RNF186: variants seen among roughly 807,000 people sequenced by gnomAD.
RNF186 encodes E3 ubiquitin-protein ligase RNF186.
For missense variants in RNF186, 298 were observed against 298.5 expected, an observed-to-expected ratio of 1.00 and a Z score of 0.01; for synonymous variants, 152 against 133.5, an observed-to-expected ratio of 1.14 and a Z score of -0.96.
At position 19,815,060 on chromosome 1, in the gene RNF186, G is replaced by A. The variant is rs181898691; in HGVS notation, c.42C>T (p.Ser14=). ...CGGTGGTGGTTGTGGTGGCTCCTGC[G>A]GAGATGGGCTGGGACTGTTGCAGGG... ...TKTLQQSQPI[S]AGATTTTTAV... The change falls in exon 1 of 1, where the codon TCC becomes TCT. Residue 14 remains serine (S), a synonymous_variant. Transcript: ENST00000375121. The A allele has an allele frequency of 9.0e-5, 145 of 1,613,960 alleles. No individual in the cohort carries two copies. Among genetic ancestry groups the A allele is most frequent in the Non-Finnish European group, 1.1e-4 (127 of 1,180,026 alleles).
Position 19,814,521 on chromosome 1 carries a change from G to A in RNF186, c.581C>T (p.Thr194Ile). ...FIIALALLMS[T>I]LFCCLPSTRG... Reference sequence around the variant, plus strand: ...GGTGCTGGGGAGACAGCAGAAGAGGGTGGACATCAGCAGGGCCAGGGCGAT... The same window carrying A: ...GGTGCTGGGGAGACAGCAGAAGAGGATGGACATCAGCAGGGCCAGGGCGAT... Residue 194 changes from threonine (T) to isoleucine (I), a missense_variant, in exon 1 of 1, where the codon ACC (threonine) becomes ATC (isoleucine). Transcript: ENST00000375121. This position sits in a 1 kb window ranked among gnomAD's most constrained non-coding sequence, Gnocchi z 4.7. The A allele has an allele frequency of 1.9e-6, 3 of 1,614,214 alleles. No individual in the cohort carries two copies. The highest frequency in any genetic ancestry group is 2.5e-6 in the Non-Finnish European group (3 of 1,180,024).
chr1:19,814,832 G>C lies in RNF186; in HGVS notation c.270C>G (p.Ala90=), dbSNP rs779912959. ...GGCTGCAGATGAGGCCCCCGGGGAC[G>C]GCGGTGACCTTGCGGCACAGCGGGC... ...ITCPLCRKVT[A]VPGGLICSLR... Residue 90 remains alanine (A), a synonymous_variant, in exon 1 of 1, where the codon GCC becomes GCG. Coordinates refer to ENST00000375121, the MANE Select transcript of RNF186 (RefSeq NM_019062.2). This position sits in a 1 kb window ranked among gnomAD's most constrained non-coding sequence, Gnocchi z 4.7. 18 of 1,613,836 alleles carry C rather than the reference G, an allele frequency of 1.1e-5. No individual in the cohort carries two copies. The highest frequency in any genetic ancestry group is 1.4e-5 in the Non-Finnish European group (17 of 1,179,998).
chr1:19,815,111 A>G lies in RNF186; in HGVS notation c.-10T>C. The stretch of plus-strand genomic sequence containing the variant: ...TCTTGGTGCAGGCCATTCTGGGCAC[A>G]GGGACCGGTGGGACACTGTCGCTCA... On this transcript the variant is annotated 5_prime_UTR_variant, in exon 1 of 1. Coordinates refer to ENST00000375121, the MANE Select transcript of RNF186 (RefSeq NM_019062.2). 6.2e-7 allele frequency: 1 copy of G among 1,608,316 alleles called. No individual in the cohort carries two copies. Among genetic ancestry groups the G allele is most frequent in the Non-Finnish European group, 8.5e-7 (1 of 1,176,142 alleles).
rs181284805 is a variant in RNF186, at chr1:19,815,264, C to T, written c.-163G>A. 393 of 630,246 alleles carry T rather than the reference C, an allele frequency of 6.2e-4. 4 individuals are homozygous for T. The highest frequency in any genetic ancestry group is 5.4e-3 in the East Asian group (196 of 36,414). 39.0% of individuals were successfully genotyped at this position (630,246 alleles called of 1,614,324 possible). ...CTGACACTCCTCTCTCCCAGAGCTG[C>T]CCAGCTTGTTTCTTGGCTTACGTCG... On this transcript the variant is annotated 5_prime_UTR_variant, in exon 1 of 1. Coordinates refer to ENST00000375121, the MANE Select transcript of RNF186 (RefSeq NM_019062.2).
Position 19,815,133 on chromosome 1 carries a change from C to T in RNF186, c.-32G>A, listed in dbSNP as rs780196592. ...CACAGGGACCGGTGGGACACTGTCGCTCAGCACCTGGGCATTGGCAGAGAG... is the reference window on the plus strand; with the variant it reads ...CACAGGGACCGGTGGGACACTGTCGTTCAGCACCTGGGCATTGGCAGAGAG... On this transcript the variant is annotated 5_prime_UTR_variant, in exon 1 of 1. Coordinates refer to ENST00000375121, the MANE Select transcript of RNF186 (RefSeq NM_019062.2). 2.3e-5 allele frequency: 37 copies of T among 1,586,494 alleles called. No homozygotes were observed. The highest frequency in any genetic ancestry group is 2.9e-5 in the Non-Finnish European group (34 of 1,161,146).
In RNF186 at chr1:19,814,895, G is replaced by A; in HGVS notation, c.207C>T (p.Leu69=). The stretch of plus-strand genomic sequence containing the variant: ...AGGTGTTGTCCTGCACGCACAGCAG[G>A]AGCTTCAGGCAGATGGCGCAGAAGG... ...QHAFCAICLK[L]LLCVQDNTWS... The change falls in exon 1 of 1, where the codon CTC becomes CTT. Residue 69 remains leucine (L), a synonymous_variant. Transcript: ENST00000375121. This position sits in a 1 kb window ranked among gnomAD's most constrained non-coding sequence, Gnocchi z 4.7. 4 of 1,613,942 alleles carry A rather than the reference G, an allele frequency of 2.5e-6. No homozygotes were observed. Among genetic ancestry groups the A allele is most frequent in the Non-Finnish European group, 3.4e-6 (4 of 1,180,028 alleles).
Position 19,814,344 on chromosome 1 carries a change from T to A in RNF186, c.*74A>T, listed in dbSNP as rs571882290. The A allele has an allele frequency of 1.4e-6, 2 of 1,402,512 alleles. No homozygotes were observed. The highest frequency in any genetic ancestry group is 2.0e-6 in the Non-Finnish European group (2 of 1,020,736). The allele number at this position is 1,402,512 out of a possible 1,614,324, so 86.9% of individuals were successfully genotyped here. On this transcript the variant is annotated 3_prime_UTR_variant, in exon 1 of 1. Transcript: ENST00000375121. The surrounding 1 kb of genome is among the most constrained non-coding windows in gnomAD (Gnocchi z 4.7). ...GGAGCCAGTCTTAGTCCGTAACCCC[T>A]TACCCTGTTCATTGTGGAAGTCCGG...
In RNF186 at chr1:19,815,272, G is replaced by T; in HGVS notation, c.-171C>A. The T allele has an allele frequency of 3.2e-6, 2 of 621,704 alleles. No homozygotes were observed. Among genetic ancestry groups the T allele is most frequent in the South Asian group, 2.1e-5 (1 of 48,252 alleles). 38.5% of individuals were successfully genotyped at this position (621,704 alleles called of 1,614,324 possible). A position where few individuals can be genotyped will look rare whatever the true frequency, so the allele number is the denominator to read the frequency against. On this transcript the variant is annotated 5_prime_UTR_variant, in exon 1 of 1. Transcript: ENST00000375121. ...CCTCTCTCCCAGAGCTGCCCAGCTTGTTTCTTGGCTTACGTCGTCCCTTCA... is the reference window on the plus strand; with the variant it reads ...CCTCTCTCCCAGAGCTGCCCAGCTTTTTTCTTGGCTTACGTCGTCCCTTCA...
Position 19,814,249 on chromosome 1 carries a change from T to A in RNF186, c.*169A>T. 2 of 633,230 alleles carry A rather than the reference T, an allele frequency of 3.2e-6. No homozygotes were observed. The allele number at this position is 633,230 out of a possible 1,614,324, so 39.2% of individuals were successfully genotyped here. A position where few individuals can be genotyped will look rare whatever the true frequency, so the allele number is the denominator to read the frequency against. On this transcript the variant is annotated 3_prime_UTR_variant, in exon 1 of 1. Coordinates refer to ENST00000375121, the MANE Select transcript of RNF186 (RefSeq NM_019062.2). The surrounding 1 kb of genome is among the most constrained non-coding windows in gnomAD (Gnocchi z 4.7). ...CAAGTGCAAGCCTGTCATCCAAGCG[T>A]GTAATTCTTGACCCAGGCTGGCCAT... is the stretch of plus-strand genomic sequence containing the variant.
At position 19,814,278 on chromosome 1, in the gene RNF186, G is replaced by A. The variant is rs566025099; in HGVS notation, c.*140C>T. ...ATTCTTGACCCAGGCTGGCCATCTC[G>A]GTTGTGGCTTGCAAGTCCCGCTGGC... On this transcript the variant is annotated 3_prime_UTR_variant, in exon 1 of 1. Transcript: ENST00000375121. The surrounding 1 kb of genome is among the most constrained non-coding windows in gnomAD (Gnocchi z 4.7). The A allele has an allele frequency of 2.0e-5, 15 of 767,688 alleles. No individual in the cohort carries two copies. Among genetic ancestry groups the A allele is most frequent in the East Asian group, 8.1e-5 (3 of 37,064 alleles). The allele number at this position is 767,688 out of a possible 1,614,324, so 47.6% of individuals were successfully genotyped here.
Position 19,814,168 on chromosome 1 carries a change from G to A in RNF186, c.*250C>T, listed in dbSNP as rs1343537242. ...GCTTCCCCCATCTTGTCATGTTCAA[G>A]TAGTTTGTGTCTGCTCCCCTAGCCA... On this transcript the variant is annotated 3_prime_UTR_variant, in exon 1 of 1. Transcript: ENST00000375121. This position sits in a 1 kb window ranked among gnomAD's most constrained non-coding sequence, Gnocchi z 4.7. 6 of 481,212 alleles carry A rather than the reference G, an allele frequency of 1.2e-5. No individual in the cohort carries two copies. The highest frequency in any genetic ancestry group is 1.9e-5 in the African/African-American group (1 of 52,426). 29.8% of individuals were successfully genotyped at this position (481,212 alleles called of 1,614,324 possible). A position where few individuals can be genotyped will look rare whatever the true frequency, so the allele number is the denominator to read the frequency against.
chr1:19,815,213 GC>G lies in RNF186; in HGVS notation c.-113del. On this transcript the variant is annotated 5_prime_UTR_variant, in exon 1 of 1. Transcript: ENST00000375121. ...GAATCTGCCCCTCCTTTTCACTCTG[GC>G]CAGGTGCCTGTTGACAACAGCTGTC... The G allele has an allele frequency of 1.1e-6, 1 of 898,302 alleles. No individual in the cohort carries two copies. Among genetic ancestry groups the G allele is most frequent in the Non-Finnish European group, 1.7e-6 (1 of 586,262 alleles). The allele number at this position is 898,302 out of a possible 1,614,324, so 55.6% of individuals were successfully genotyped here. A position where few individuals can be genotyped will look rare whatever the true frequency, so the allele number is the denominator to read the frequency against.
In RNF186 at chr1:19,814,547, G is replaced by A; in HGVS notation, c.555C>T (p.Ile185=). Residue 185 remains isoleucine (I), a synonymous_variant, in exon 1 of 1, where the codon ATC becomes ATT. Transcript: ENST00000375121. This position sits in a 1 kb window ranked among gnomAD's most constrained non-coding sequence, Gnocchi z 4.7. The part of the protein sequence containing the change: ...PGVLRWVLTF[I]IALALLMSTL... ...TGGACATCAGCAGGGCCAGGGCGAT[G>A]ATGAAGGTGAGCACCCATCGTAAGA... 1 of 1,614,222 alleles carries A rather than the reference G, an allele frequency of 6.2e-7. No individual in the cohort carries two copies. The highest frequency in any genetic ancestry group is 8.5e-7 in the Non-Finnish European group (1 of 1,180,032).
chr1:19,814,965 G>C lies in RNF186; in HGVS notation c.137C>G (p.Pro46Arg). Residue 46 changes from proline to arginine, a missense_variant, in exon 1 of 1, where the codon CCC (proline) becomes CGC (arginine). By Grantham distance (103) the Pro-to-Arg change is moderately radical. Coordinates refer to ENST00000375121, the MANE Select transcript of RNF186 (RefSeq NM_019062.2). The surrounding 1 kb of genome is among the most constrained non-coding windows in gnomAD (Gnocchi z 4.7). Reference protein sequence around the residue: ...CDLECLVCREPYSCPRLPKLL... With the variant: ...CDLECLVCRERYSCPRLPKLL... ...CTTGGGCAACCGGGGACAGCTGTAG[G>C]GCTCCCGGCACACCAGACACTCCAG... 6.2e-7 allele frequency: 1 copy of C among 1,613,966 alleles called. No individual in the cohort carries two copies. The highest frequency in any genetic ancestry group is 8.5e-7 in the Non-Finnish European group (1 of 1,180,032).
Position 19,814,598 on chromosome 1 carries a change from G to A in RNF186, c.504C>T (p.Leu168=), listed in dbSNP as rs1207416016. Residue 168 remains leucine (L), a synonymous_variant, in exon 1 of 1, where the codon CTC becomes CTT. Transcript: ENST00000375121. This position sits in a 1 kb window ranked among gnomAD's most constrained non-coding sequence, Gnocchi z 4.7. ...CACCCGGGTAGATGAAGGGCCCGAT[G>A]AGGATAATGAGCAAGGCCAGCAGGA... The part of the protein sequence containing the change: ...HLLLLALLII[L]IGPFIYPGVL... 6.2e-7 allele frequency: 1 copy of A among 1,614,102 alleles called. No individual in the cohort carries two copies. The highest frequency in any genetic ancestry group is 8.5e-7 in the Non-Finnish European group (1 of 1,180,040).
Position 19,815,075 on chromosome 1 carries a change from C to T in RNF186, c.27G>A (p.Gln9=). 6.2e-7 allele frequency: 1 copy of T among 1,613,830 alleles called. No individual in the cohort carries two copies. Residue 9 remains glutamine (Q), a synonymous_variant, in exon 1 of 1, where the codon CAG becomes CAA. Coordinates refer to ENST00000375121, the MANE Select transcript of RNF186 (RefSeq NM_019062.2). ...TGGCTCCTGCGGAGATGGGCTGGGA[C>T]TGTTGCAGGGTCTTGGTGCAGGCCA... is the stretch of plus-strand genomic sequence containing the variant. MACTKTLQ[Q]SQPISAGATT...
chr1:19,814,488 C>A lies in RNF186; in HGVS notation c.614G>T (p.Ser205Ile). The change falls in exon 1 of 1, where the codon AGC (serine) becomes ATC (isoleucine). Residue 205 changes from serine (S) to isoleucine (I), a missense_variant. By Grantham distance (142) the Ser-to-Ile change is moderately radical. Coordinates refer to ENST00000375121, the MANE Select transcript of RNF186 (RefSeq NM_019062.2). This position sits in a 1 kb window ranked among gnomAD's most constrained non-coding sequence, Gnocchi z 4.7. Reference sequence around the variant, plus strand: ...GAGAGTCCTGGAGGAGGGCCAGCAGCTGCCCCGGGTGCTGGGGAGACAGCA... The same window carrying A: ...GAGAGTCCTGGAGGAGGGCCAGCAGATGCCCCGGGTGCTGGGGAGACAGCA... ...LFCCLPSTRG[S>I]CWPSSRTLFC... 6.2e-7 allele frequency: 1 copy of A among 1,614,180 alleles called. No homozygotes were observed. Among genetic ancestry groups the A allele is most frequent in the Non-Finnish European group, 8.5e-7 (1 of 1,180,028 alleles).
In RNF186 at chr1:19,815,218, G is replaced by A. The variant is rs2101236860; in HGVS notation, c.-117C>T. ...TGCCCCTCCTTTTCACTCTGGCCAG[G>A]TGCCTGTTGACAACAGCTGTCTGAC... On this transcript the variant is annotated 5_prime_UTR_variant, in exon 1 of 1. Transcript: ENST00000375121. The A allele has an allele frequency of 2.3e-6, 2 of 869,266 alleles. No homozygotes were observed. The highest frequency in any genetic ancestry group is 2.6e-5 in the East Asian group (1 of 37,914). 53.8% of individuals were successfully genotyped at this position (869,266 alleles called of 1,614,324 possible).
chr1:19,814,828 G>C lies in RNF186; in HGVS notation c.274C>G (p.Pro92Ala), dbSNP rs2101235996. Residue 92 changes from proline (P) to alanine (A), a missense_variant, in exon 1 of 1, where the codon CCC becomes GCC. Pro to Ala is a conservative substitution (Grantham distance 27, BLOSUM62 -1). Coordinates refer to ENST00000375121, the MANE Select transcript of RNF186 (RefSeq NM_019062.2). This position sits in a 1 kb window ranked among gnomAD's most constrained non-coding sequence, Gnocchi z 4.7. ...CGCAGGCTGCAGATGAGGCCCCCGG[G>C]GACGGCGGTGACCTTGCGGCACAGC... ...CPLCRKVTAVPGGLICSLRDH... is the reference protein window; with the variant it reads ...CPLCRKVTAVAGGLICSLRDH... The C allele has an allele frequency of 6.2e-7, 1 of 1,613,848 alleles. No homozygotes were observed. The highest frequency in any genetic ancestry group is 1.7e-5 in the Admixed American group (1 of 60,010).
Sources: gnomAD v4.1 joint callset for allele counts on GRCh38, gnomAD v4.1.1 for gene constraint, Gnocchi (gnomAD v3.1) non-coding constraint, MANE v1.5 for transcripts, NCBI Gene and HGNC (gene_info 2026-07-23, HGNC 2026-07-21) for gene names.